Variants in ARHGEF38 observed in about 807,000 individuals in gnomAD.
The protein encoded by ARHGEF38 is Rho guanine nucleotide exchange factor 38, also known as Rho guanine nucleotide exchange factor (GEF) 38.
Under a neutral mutation model 79.9 loss-of-function variants are expected in ARHGEF38, and 79 were observed. The ratio of observed to expected loss-of-function variants is 0.99; its 90% CI spans 0.82 to 1.19. ARHGEF38 has a LOEUF of 1.19. Among genes scored for constraint, ARHGEF38 ranks in the 50% most tolerant of loss-of-function variants. The pLI is 0.00. For missense variants in ARHGEF38, 962 were observed against 907.2 expected, an observed-to-expected ratio of 1.06 and a Z score of -0.78; for synonymous variants, 366 against 328.3, an observed-to-expected ratio of 1.11 and a Z score of -1.24.
chr4:105,590,349 A>G (rs768218039), intron 2 of ARHGEF38, among the ~76,000 whole-genome samples: 19 of 152,318 alleles, frequency 1.2e-4, no homozygotes, highest in Non-Finnish European at 2.2e-4. Context: ...TACACAAATC[A>G]AACAATATAG....
At chr4:105,647,638 C>T (rs1167165769) in intron 6 of ARHGEF38, among the ~76,000 whole-genome samples, 4 of 152,024 alleles carry the variant, frequency 2.6e-5, no homozygotes, top group Non-Finnish European at 5.9e-5. Context: ...TTGTTTTCTA[C>T]AAAAATGTGT....
chr4:105,586,607 T>A (rs1459357346), intron 1 of ARHGEF38, among the ~76,000 whole-genome samples: 1 of 152,206 alleles, frequency 6.6e-6, no homozygotes, highest in Non-Finnish European at 1.5e-5. Context: ...GGAACCCAAA[T>A]GCATGTTTTA....
intron 3 of ARHGEF38, among the ~76,000 whole-genome samples, chr4:105,625,785 A>C (rs1728919098): frequency 1.3e-5 from 2 of 152,356 alleles, no homozygotes; most frequent in South Asian, 2.1e-4. Context: ...CTTTAGAAGC[A>C]GATTATGACC....
At chr4:105,659,611 C>A (rs551279126) in intron 10 of ARHGEF38, among the ~76,000 whole-genome samples, 6 of 152,142 alleles carry the variant, frequency 3.9e-5, no homozygotes, top group Non-Finnish European at 7.4e-5. Flanking sequence ...TTTGGAGATG[C>A]CTTTTCAAAT....
intron 3 of ARHGEF38, among the ~76,000 whole-genome samples, chr4:105,628,031 A>T (rs1324938141): frequency 2.4e-5 from 2 of 84,032 alleles, no homozygotes; most frequent in Non-Finnish European, 4.2e-5. Context: ...GGAAAAGAGT[A>T]AAAAAAAAAA....
In ARHGEF38 at chr4:105,589,373, G is replaced by A; in HGVS notation, c.322G>A (p.Asp108Asn). ...TAAGGAGCTGATACAGACAGAAAAGGATTATCTCAATGATCTAGAGCTGTG... is the reference window on the plus strand; with the variant it reads ...TAAGGAGCTGATACAGACAGAAAAGAATTATCTCAATGATCTAGAGCTGTG... Reference protein sequence around the residue: ...IIKELIQTEKDYLNDLELCVR... With the variant: ...IIKELIQTEKNYLNDLELCVR... The change falls in exon 2 of 14, where the codon GAT becomes AAT. Residue 108 changes from aspartate (D) to asparagine (N), a missense_variant. By Grantham distance (23) the Asp-to-Asn change is conservative. Coordinates refer to ENST00000420470, the MANE Select transcript of ARHGEF38 (RefSeq NM_001242729.2). 2 of 1,614,060 alleles carry A rather than the reference G, an allele frequency of 1.2e-6. No individual in the cohort carries two copies. Among genetic ancestry groups the A allele is most frequent in the Non-Finnish European group, 1.7e-6 (2 of 1,179,988 alleles).
At chr4:105,627,598 G>T (rs975014816) in intron 3 of ARHGEF38, among the ~76,000 whole-genome samples, 2 of 152,020 alleles carry the variant, frequency 1.3e-5, no homozygotes, top group Admixed American at 6.5e-5. Context: ...AGAAATTCTT[G>T]GGTTGTAGAA....
At chr4:105,618,760 T>A (rs929530631) in intron 3 of ARHGEF38, among the ~76,000 whole-genome samples, 2 of 152,216 alleles carry the variant, frequency 1.3e-5, no homozygotes, top group African/African-American at 4.8e-5. Flanking sequence ...TTTCATAGTC[T>A]CAAAACTTTC....
intron 5 of ARHGEF38, among the ~76,000 whole-genome samples, chr4:105,636,707 T>C (rs1475004238): frequency 6.6e-6 from 1 of 152,112 alleles, no homozygotes; most frequent in Non-Finnish European, 1.5e-5. Flanking sequence ...TGTTTGGGAA[T>C]CTTAATGTGT....
chr4:105,646,685 G>T (rs1729855392), intron 6 of ARHGEF38, among the ~76,000 whole-genome samples: 1 of 152,066 alleles, frequency 6.6e-6, no homozygotes, highest in Non-Finnish European at 1.5e-5. Context: ...AACTAGCATT[G>T]TTCATAAATG....
intron 10 of ARHGEF38, among the ~76,000 whole-genome samples, chr4:105,665,327 T>C (rs1730708700): frequency 6.6e-6 from 1 of 151,968 alleles, no homozygotes; most frequent in Admixed American, 6.6e-5. Flanking sequence ...ACCCCGTCTC[T>C]ACTAAAAATA....
At chr4:105,554,570 T>G (rs1044412253) in intron 1 of ARHGEF38, among the ~76,000 whole-genome samples, 1 of 152,230 alleles carries the variant, frequency 6.6e-6, no homozygotes, top group Non-Finnish European at 1.5e-5. Flanking sequence ...TATTCCATGA[T>G]GAATATGTAC....
chr4:105,640,929 C>T (rs1263637090), intron 5 of ARHGEF38, among the ~76,000 whole-genome samples: 1 of 152,120 alleles, frequency 6.6e-6, no homozygotes, highest in African/African-American at 2.4e-5. Flanking sequence ...GTCCTTAGCA[C>T]TCTGAAGTTC....
intron 7 of ARHGEF38, among the ~76,000 whole-genome samples, chr4:105,650,512 TC>T (rs894088809): frequency 1.8e-4 from 28 of 152,210 alleles, no homozygotes; most frequent in Middle Eastern, 3.2e-3. Flanking sequence ...AACTCTTTAC[TC>T]TGCCCCTGCC....
chr4:105,663,888 T>C (rs1235148158), intron 10 of ARHGEF38, among the ~76,000 whole-genome samples: 1 of 151,206 alleles, frequency 6.6e-6, no homozygotes, highest in Non-Finnish European at 1.5e-5. Flanking sequence ...GAGGATCACC[T>C]GAATCTGGGA....
chr4:105,588,067 T>A (rs1199318578), intron 1 of ARHGEF38, among the ~76,000 whole-genome samples: 1 of 152,208 alleles, frequency 6.6e-6, no homozygotes, highest in Non-Finnish European at 1.5e-5. Flanking sequence ...CCTGGGGCAG[T>A]CTCTTGACAT....
chr4:105,586,875 C>T (rs942607147), intron 1 of ARHGEF38, among the ~76,000 whole-genome samples: 3 of 151,972 alleles, frequency 2.0e-5, no homozygotes, highest in Non-Finnish European at 4.4e-5. Flanking sequence ...GAGTAAAGGA[C>T]GTCCCTCACA....
At chr4:105,567,147 C>T (rs941003379) in intron 1 of ARHGEF38, among the ~76,000 whole-genome samples, 2 of 152,166 alleles carry the variant, frequency 1.3e-5, no homozygotes, top group Non-Finnish European at 2.9e-5. Flanking sequence ...ACTTTTTTCA[C>T]TTAACATAAT....
chr4:105,621,008 G>C (rs1490874462), intron 3 of ARHGEF38, among the ~76,000 whole-genome samples: 1 of 152,212 alleles, frequency 6.6e-6, no homozygotes, highest in Non-Finnish European at 1.5e-5. Context: ...CATGGAGAGA[G>C]ACAGCAGATG....
Sources: allele counts gnomAD v4.1 joint callset (sites outside exome capture counted in the v4.1 genomes callset), GRCh38; gene constraint gnomAD v4.1.1; transcripts MANE v1.5; gene names NCBI Gene and HGNC (gene_info 2026-07-23, HGNC 2026-07-21).